MBD5: variants seen among roughly 807,000 people sequenced by gnomAD.
MBD5 encodes methyl-CpG-binding domain protein 5.
MBD5 carries 13 observed loss-of-function variants against 117.3 expected under a neutral mutation model. The observed-to-expected ratio is 0.11, with a 90% confidence interval of 0.07 to 0.18. The LOEUF (loss-of-function observed/expected upper bound fraction) is 0.18, where lower values mean the gene tolerates loss of function less well. Among genes scored for constraint, MBD5 ranks in the 10% least tolerant of loss-of-function variants. The pLI, the probability that MBD5 is intolerant of heterozygous loss-of-function variation, is 1.00. For synonymous variants in MBD5, 727 were observed against 766.4 expected, an observed-to-expected ratio of 0.95 and a Z score of 0.85; for missense variants, 1,879 against 2,093.8, an observed-to-expected ratio of 0.90 and a Z score of 2.00.
intron 1 of MBD5, among the ~76,000 whole-genome samples, chr2:148,067,734 C>G (rs914644729): frequency 8.5e-5 from 13 of 152,208 alleles, no homozygotes; most frequent in African/African-American, 3.1e-4. Flanking sequence ...ATCCCCTAAG[C>G]TGGCTTCTAA....
chr2:148,449,971 A>G (rs1232551405), intron 4 of MBD5, among the ~76,000 whole-genome samples: 1 of 151,998 alleles, frequency 6.6e-6, no homozygotes, highest in East Asian at 1.9e-4. Context: ...CATATAGAGT[A>G]TAATGGTGTT....
At chr2:148,277,050 C>T (rs1005439361) in intron 3 of MBD5, among the ~76,000 whole-genome samples, 3 of 152,158 alleles carry the variant, frequency 2.0e-5, no homozygotes, top group African/African-American at 7.2e-5. Flanking sequence ...TCTTCAACAT[C>T]ACTCTTAAGG....
intron 4 of MBD5, among the ~76,000 whole-genome samples, chr2:148,444,211 A>T (rs1706420384): frequency 6.6e-6 from 1 of 151,432 alleles, no homozygotes; most frequent in Non-Finnish European, 1.5e-5. Flanking sequence ...CTTTTGTTAA[A>T]GGACATACTT....
At chr2:148,370,550 G>A (rs1224994638) in intron 4 of MBD5, among the ~76,000 whole-genome samples, 1 of 152,098 alleles carries the variant, frequency 6.6e-6, no homozygotes, top group African/African-American at 2.4e-5. Context: ...GTGCAGTGAT[G>A]TGATCTTGGC....
intron 1 of MBD5, among the ~76,000 whole-genome samples, chr2:148,144,436 A>C (rs1398080187): frequency 6.6e-6 from 1 of 152,120 alleles, no homozygotes; most frequent in Admixed American, 6.6e-5. Context: ...TGCTCTGCAG[A>C]AGCTCTTTAG....
At chr2:148,234,478 T>C (rs1700051505) in intron 3 of MBD5, among the ~76,000 whole-genome samples, 1 of 152,168 alleles carries the variant, frequency 6.6e-6, no homozygotes, top group Non-Finnish European at 1.5e-5. Flanking sequence ...TTTCATCTAA[T>C]TACATTCAAT....
chr2:148,312,230 A>G (rs1202518266), intron 3 of MBD5, among the ~76,000 whole-genome samples: 1 of 152,164 alleles, frequency 6.6e-6, no homozygotes, highest in East Asian at 1.9e-4. Flanking sequence ...CCTGGATAAT[A>G]TCCTGAGGAG....
At chr2:148,388,595 A>G (rs1704451814) in intron 4 of MBD5, among the ~76,000 whole-genome samples, 1 of 152,196 alleles carries the variant, frequency 6.6e-6, no homozygotes, top group Non-Finnish European at 1.5e-5. Flanking sequence ...TGCTTAAACA[A>G]CAAATATTTT....
intron 3 of MBD5, among the ~76,000 whole-genome samples, chr2:148,326,831 T>C (rs1436443884): frequency 1.3e-5 from 2 of 151,670 alleles, no homozygotes; most frequent in Non-Finnish European, 2.9e-5. Context: ...ATTTAGTCCA[T>C]TTACATTTAA....
chr2:148,261,840 T>C (rs1700741248), intron 3 of MBD5, among the ~76,000 whole-genome samples: 1 of 152,246 alleles, frequency 6.6e-6, no homozygotes, highest in South Asian at 2.1e-4. Flanking sequence ...CATGTGATTC[T>C]TTCTTTCACC....
At chr2:148,036,878 A>G (rs56080347) in intron 1 of MBD5, among the ~76,000 whole-genome samples, 4,116 of 152,158 alleles carry the variant, frequency 0.027, 124 homozygotes, top group African/African-American at 0.059. Context: ...TATTTAAACT[A>G]TTACAGAGTG....
intron 1 of MBD5, among the ~76,000 whole-genome samples, chr2:148,045,307 A>G (rs1694486938): frequency 6.6e-6 from 1 of 152,220 alleles, no homozygotes; most frequent in South Asian, 2.1e-4. Flanking sequence ...CATGACTAGT[A>G]AATTTTAAAT....
chr2:148,219,314 A>G (rs1011596206), intron 2 of MBD5, among the ~76,000 whole-genome samples: 1 of 152,126 alleles, frequency 6.6e-6, no homozygotes, highest in Admixed American at 6.5e-5. Context: ...GTCATCTGCT[A>G]TGTAACAGTG....
intron 2 of MBD5, among the ~76,000 whole-genome samples, chr2:148,227,492 T>C (rs1699862421): frequency 6.6e-6 from 1 of 152,202 alleles, no homozygotes; most frequent in Non-Finnish European, 1.5e-5. Flanking sequence ...TTGGTACCAG[T>C]ACCATGCTGT....
At chr2:148,353,894 A>T (rs958451836) in intron 4 of MBD5, among the ~76,000 whole-genome samples, 1 of 151,686 alleles carries the variant, frequency 6.6e-6, no homozygotes, top group Admixed American at 6.6e-5. Flanking sequence ...ATTTAGTTTT[A>T]TCTCTATTTT....
intron 4 of MBD5, among the ~76,000 whole-genome samples, chr2:148,411,535 G>C (rs1189247212): frequency 3.8e-5 from 1 of 26,446 alleles, no homozygotes; most frequent in African/African-American, 1.4e-4. Context: ...TTTTTTTTTT[G>C]TAGTAATTGC....
chr2:148,219,507 T>C (rs1222232364), intron 2 of MBD5, among the ~76,000 whole-genome samples: 2 of 152,192 alleles, frequency 1.3e-5, no homozygotes, highest in East Asian at 3.8e-4. Flanking sequence ...ATATATGCAA[T>C]TGATAGTTGA....
intron 4 of MBD5, among the ~76,000 whole-genome samples, chr2:148,417,476 T>C (rs1559062351): frequency 6.6e-6 from 1 of 152,036 alleles, no homozygotes; most frequent in Non-Finnish European, 1.5e-5. Flanking sequence ...AGATACCCAG[T>C]AGTGGGATTG....
intron 4 of MBD5, among the ~76,000 whole-genome samples, chr2:148,392,461 C>T (rs1704595183): frequency 1.3e-5 from 2 of 152,070 alleles, no homozygotes; most frequent in African/African-American, 4.8e-5. Context: ...TCAGTTTGGC[C>T]TGGAGTTCTG....
Sources: gnomAD v4.1 joint callset for allele counts (sites outside exome capture counted in the v4.1 genomes callset) on GRCh38, gnomAD v4.1.1 for gene constraint, MANE v1.5 for transcripts, NCBI Gene and HGNC (gene_info 2026-07-23, HGNC 2026-07-21) for gene names.